The following LRP1B variants were observed in gnomAD, a reference collection of about 807,000 sequenced individuals.
The protein encoded by LRP1B is low-density lipoprotein receptor-related protein 1B.
In LRP1B, 217 loss-of-function variants were observed where a neutral mutation model predicts 556.6. The ratio of observed to expected loss-of-function variants is 0.39; its 90% CI spans 0.35 to 0.44. The LOEUF is 0.44. Among genes scored for constraint, LRP1B ranks in the 20% least tolerant of loss-of-function variants. The pLI, the probability that LRP1B is intolerant of heterozygous loss-of-function variation, is 1.00. For missense variants in LRP1B, 5,053 were observed against 5,620.8 expected, an observed-to-expected ratio of 0.90 and a Z score of 3.23; for synonymous variants, 2,047 against 1,865.8, an observed-to-expected ratio of 1.10 and a Z score of -2.50.
chr2:141,061,309 T>C (rs1699328116), intron 8 of LRP1B, among the ~76,000 whole-genome samples: 1 of 151,796 alleles, frequency 6.6e-6, no homozygotes, highest in Non-Finnish European at 1.5e-5. Context: ...TGTACCTGTC[T>C]TGCATTGCAA....
At chr2:141,333,540 A>T (rs2714188) in intron 3 of LRP1B, among the ~76,000 whole-genome samples, 88,251 of 152,010 alleles carry the variant, frequency 0.58, 26,553 homozygotes, top group African/African-American at 0.68. Context: ...AACAGTAAAA[A>T]TGGTAGCTCA....
chr2:141,753,263 C>CCATATATATATATATAT (rs533996017), intron 2 of LRP1B, among the ~76,000 whole-genome samples: 1 of 62,502 alleles, frequency 1.6e-5, no homozygotes, highest in Non-Finnish European at 3.4e-5. Flanking sequence ...TCTCTCTCTC[C>CCATATATATATATATAT]ATATATATAT....
intron 1 of LRP1B, among the ~76,000 whole-genome samples, chr2:141,825,799 TTTAATA>T (rs1171816577): frequency 1.3e-5 from 2 of 152,174 alleles, no homozygotes; most frequent in African/African-American, 4.8e-5. Context: ...AATGTAACAT[TTTAATA>T]TTAACAGAAA....
chr2:140,693,442 G>A (rs1054269955), intron 41 of LRP1B, among the ~76,000 whole-genome samples: 16 of 151,550 alleles, frequency 1.1e-4, no homozygotes, highest in African/African-American at 3.4e-4. Flanking sequence ...CTCAGCCTTC[G>A]AAGGATCTAG....
chr2:141,098,466 A>C (rs1700375542), intron 7 of LRP1B, among the ~76,000 whole-genome samples: 1 of 152,326 alleles, frequency 6.6e-6, no homozygotes, highest in South Asian at 2.1e-4. Flanking sequence ...AGAACATTAA[A>C]GATATTCAAG....
chr2:141,073,944 A>G (rs1002267058), intron 7 of LRP1B, among the ~76,000 whole-genome samples: 1 of 151,952 alleles, frequency 6.6e-6, no homozygotes. Flanking sequence ...TTCTTAAGCC[A>G]TTTTTCTTAT....
chr2:140,736,668 T>C (rs961898715), intron 35 of LRP1B, among the ~76,000 whole-genome samples: 35 of 152,178 alleles, frequency 2.3e-4, no homozygotes, highest in African/African-American at 7.0e-4. Context: ...GAAAACTGGC[T>C]AGCCATATGT....
At chr2:141,813,599 CA>C (rs1224943062) in intron 1 of LRP1B, among the ~76,000 whole-genome samples, 1 of 149,368 alleles carries the variant, frequency 6.7e-6, no homozygotes, top group African/African-American at 2.5e-5. Context: ...AACAAACAAA[CA>C]AACAAAAAAC....
chr2:141,518,233 T>C (rs932718898), intron 2 of LRP1B, among the ~76,000 whole-genome samples: 4 of 152,116 alleles, frequency 2.6e-5, no homozygotes, highest in Non-Finnish European at 5.9e-5. Flanking sequence ...AAGGAGCCTG[T>C]CCTCAGACAG....
At chr2:142,099,521 C>T (rs1706498622) in intron 1 of LRP1B, among the ~76,000 whole-genome samples, 2 of 151,872 alleles carry the variant, frequency 1.3e-5, no homozygotes, top group African/African-American at 2.4e-5. Flanking sequence ...GGCACCTTCT[C>T]TATATTTCCT....
chr2:141,757,343 T>A (rs1337887848), intron 2 of LRP1B, among the ~76,000 whole-genome samples: 16 of 152,206 alleles, frequency 1.1e-4, no homozygotes, highest in Admixed American at 1.0e-3. Context: ...TCCTAGCTCC[T>A]GGGAGCTTGT....
At chr2:140,954,497 A>G (rs916279168) in intron 18 of LRP1B, among the ~76,000 whole-genome samples, 1 of 152,110 alleles carries the variant, frequency 6.6e-6, no homozygotes, top group African/African-American at 2.4e-5. Flanking sequence ...AGAAAAAAAT[A>G]AATCATCCTA....
intron 41 of LRP1B, among the ~76,000 whole-genome samples, chr2:140,628,461 C>T (rs62174182): frequency 0.19 from 29,117 of 150,500 alleles, 3,086 homozygotes; most frequent in South Asian, 0.34. Flanking sequence ...GGCATGAACC[C>T]GGGAGGCGGA....
intron 2 of LRP1B, among the ~76,000 whole-genome samples, chr2:141,551,659 A>G (rs1033698092): frequency 1.3e-5 from 2 of 152,020 alleles, no homozygotes; most frequent in Non-Finnish European, 2.9e-5. Flanking sequence ...TAGCATGCAA[A>G]TGTGTGGAAA....
At chr2:141,089,646 C>T (rs1700129402) in intron 7 of LRP1B, among the ~76,000 whole-genome samples, 1 of 152,114 alleles carries the variant, frequency 6.6e-6, no homozygotes, top group Non-Finnish European at 1.5e-5. Context: ...ACTGGGGAAA[C>T]TTTAGGAATC....
rs1279936332 is a variant in LRP1B at position 140,491,253 on chromosome 2, A to AACTT, written c.9120+1351_9120+1354dup. On this transcript the variant is annotated intron_variant, in intron 57 of 90. Coordinates refer to ENST00000389484, the MANE Select transcript of LRP1B (RefSeq NM_018557.3). ...AATGAATATTGTTCTATATTAGTTA[A>AACTT]ACTTATGGTTCAGCTGAGCTTAAAA... Among the ~76,000 whole-genome samples, 48 of 152,118 alleles carry AACTT rather than the reference A, an allele frequency of 3.2e-4. 1 individual carries two copies. The highest frequency in any genetic ancestry group is 1.1e-3 in the African/African-American group (47 of 41,446).
At chr2:140,640,103 C>T (rs1287130584) in intron 41 of LRP1B, among the ~76,000 whole-genome samples, 1 of 151,614 alleles carries the variant, frequency 6.6e-6, no homozygotes, top group Admixed American at 6.6e-5. Flanking sequence ...CCCGGGTTCA[C>T]GCCATTCTCC....
chr2:141,902,072 T>TA (rs11375720), intron 1 of LRP1B, among the ~76,000 whole-genome samples: 130,543 of 151,434 alleles, frequency 0.86, 56,444 homozygotes, highest in East Asian at 1. Context: ...AACAAAAAAT[T>TA]ATAGTTAAAA....
rs1202348482 is a variant in LRP1B at position 140,903,108 on chromosome 2, C to T, written c.3578G>A (p.Arg1193Lys). The T allele has an allele frequency of 3.1e-6, 5 of 1,613,416 alleles. No individual in the cohort carries two copies. Among genetic ancestry groups the T allele is most frequent in the East Asian group, 2.2e-5 (1 of 44,830 alleles). ...TTCAGGGCAGGAACAGACAATTCCT[C>T]TTCCAGGAACAACAGAACAGTGGTT... Reference protein sequence around the residue: ...CSNHCSVVPGRGIVCSCPEGL... With the variant: ...CSNHCSVVPGKGIVCSCPEGL... Residue 1193 changes from arginine to lysine, a missense_variant, in exon 23 of 91, where the codon AGA (arginine) becomes AAA (lysine). By Grantham distance (26) the Arg-to-Lys change is conservative. This residue lies in a region of LRP1B where 3,619 missense variants were observed against 3,931.9 expected (regional missense o/e 0.92). Transcript: ENST00000389484.
Sources: allele counts gnomAD v4.1 joint callset (sites outside exome capture counted in the v4.1 genomes callset), GRCh38; gene constraint gnomAD v4.1.1; regional missense constraint gnomAD v4.1.1; transcripts MANE v1.5; gene names NCBI Gene and HGNC (gene_info 2026-07-23, HGNC 2026-07-21).